BEX1: variants seen among roughly 807,000 people sequenced by gnomAD.
The protein encoded by BEX1 is protein BEX1.
For synonymous variants in BEX1, 41 were observed against 33.4 expected (o/e 1.23, Z -0.79); for missense variants, 86 against 99.2 (o/e 0.87, Z 0.57).
Position 103,062,966 on chromosome X carries a change from A to G in BEX1, c.309T>C (p.His103=), listed in dbSNP as rs1921581105. 8.3e-7 allele frequency: 1 copy of G among 1,211,615 alleles called. No individual in the cohort carries two copies. Among genetic ancestry groups the G allele is most frequent in the Non-Finnish European group, 1.1e-6 (1 of 895,496 alleles). ...GGTCAGTGCTGACTGCCCGCAGACT[A>G]TGACTCAACTGCTTTTCCCTCAGCT... The part of the protein sequence containing the change: ...MEKLREKQLS[H]SLRAVSTDPP... The change falls in exon 3 of 3, where the codon CAT becomes CAC. Residue 103 remains histidine, a synonymous_variant. Coordinates refer to ENST00000372728, the MANE Select transcript of BEX1 (RefSeq NM_018476.4).
chrX:103,063,156 G>A lies in BEX1; in HGVS notation c.119C>T (p.Ala40Val), dbSNP rs709036. Reference sequence around the variant, plus strand: ...TCCTCTAGGCACACAGTATTCACCAGCATCCAAAGGGAGGGCCAAGGGCTC... The same window carrying A: ...TCCTCTAGGCACACAGTATTCACCAACATCCAAAGGGAGGGCCAAGGGCTC... ...KGEPLALPLD[A>V]GEYCVPRGNR... The change falls in exon 3 of 3, where the codon GCT becomes GTT. Residue 40 changes from alanine to valine, a missense_variant. Coordinates refer to ENST00000372728, the MANE Select transcript of BEX1 (RefSeq NM_018476.4). The A allele has an allele frequency of 8.3e-7, 1 of 1,211,856 alleles. No homozygotes were observed. The highest frequency in any genetic ancestry group is 2.2e-5 in the Admixed American group (1 of 46,063).
rs1440445927 is a variant in BEX1, at chrX:103,064,080, G to T, written c.-96+16C>A. 2 of 220,854 alleles carry T rather than the reference G, an allele frequency of 9.1e-6. No individual in the cohort carries two copies. The highest frequency in any genetic ancestry group is 2.5e-4 in the East Asian group (1 of 4,076). 18.2% of individuals were successfully genotyped at this position (220,854 alleles called of 1,213,427 possible). On this transcript the variant is annotated intron_variant, in intron 1 of 2. Transcript: ENST00000372728. Reference sequence around the variant, plus strand: ...CTGCTGGCCTAGCCAGGGCGCGCGGGCCCCGGGGCCCTTACCTGGTCCGCT... The same window carrying T: ...CTGCTGGCCTAGCCAGGGCGCGCGGTCCCCGGGGCCCTTACCTGGTCCGCT...
rs1175204975 is a variant in BEX1, at chrX:103,063,152, A to G, written c.123T>C (p.Gly41=). The G allele has an allele frequency of 8.3e-7, 1 of 1,211,821 alleles. No individual in the cohort carries two copies. Among genetic ancestry groups the G allele is most frequent in the Non-Finnish European group, 1.1e-6 (1 of 895,592 alleles). ...GATTTCCTCTAGGCACACAGTATTC[A>G]CCAGCATCCAAAGGGAGGGCCAAGG... The part of the protein sequence containing the change: ...GEPLALPLDA[G]EYCVPRGNRR... Residue 41 remains glycine (G), a synonymous_variant, in exon 3 of 3, where the codon GGT becomes GGC. Transcript: ENST00000372728.
In BEX1 at chrX:103,063,260, C is replaced by T. The variant is rs778135671; in HGVS notation, c.15G>A (p.Glu5=). 5 of 1,209,634 alleles carry T rather than the reference C, an allele frequency of 4.1e-6. No individual in the cohort carries two copies. In the South Asian group the frequency reaches 7.1e-5, roughly 17 times the overall value. ...TGCTGAGACTGTTTACTGCTCGTTT[C>T]TCTTTGGACTCCATTACTCCTAGGA... is the stretch of plus-strand genomic sequence containing the variant. The part of the protein sequence containing the change: MESK[E]KRAVNSLSME... Residue 5 remains glutamate (E), a synonymous_variant, in exon 3 of 3, where the codon GAG becomes GAA. Transcript: ENST00000372728.
intron 2 of BEX1, 106 bp downstream of exon 2, chrX:103,063,536 C>A: frequency 2.7e-6 from 1 of 366,724 alleles, no homozygotes; most frequent in South Asian, 5.7e-5. Flanking sequence ...CAGATCCATC[C>A]CTAGATCTCG....
chrX:103,063,638 T>G lies in BEX1; in HGVS notation c.-6+4A>C. On this transcript the variant is annotated splice_donor_region_variant and intron_variant, in intron 2 of 2. Coordinates refer to ENST00000372728, the MANE Select transcript of BEX1 (RefSeq NM_018476.4). ...CCGCCCCCACCACCGTCCCTCGCACTGACCTGGGCCTATCCTTGTAGTCTC... is the reference window on the plus strand; with the variant it reads ...CCGCCCCCACCACCGTCCCTCGCACGGACCTGGGCCTATCCTTGTAGTCTC... 1 of 255,093 alleles carries G rather than the reference T, an allele frequency of 3.9e-6. No homozygotes were observed. The highest frequency in any genetic ancestry group is 6.9e-6 in the Non-Finnish European group (1 of 144,407). The allele number at this position is 255,093 out of a possible 1,213,427, so 21.0% of individuals were successfully genotyped here.
Position 103,062,812 on chromosome X carries a change from G to T in BEX1, c.*85C>A, listed in dbSNP as rs1045203. On this transcript the variant is annotated 3_prime_UTR_variant, in exon 3 of 3. Coordinates refer to ENST00000372728, the MANE Select transcript of BEX1 (RefSeq NM_018476.4). ...CCCACGTAAACAAGTGACAGGTAAAGGTTTACAACAAGGGCACATCATGAA... is the reference window on the plus strand; with the variant it reads ...CCCACGTAAACAAGTGACAGGTAAATGTTTACAACAAGGGCACATCATGAA... The T allele has an allele frequency of 2.6e-6, 3 of 1,141,055 alleles. No homozygotes were observed. The highest frequency in any genetic ancestry group is 3.5e-6 in the Non-Finnish European group (3 of 848,404). The allele number at this position is 1,141,055 out of a possible 1,213,427, so 94.0% of individuals were successfully genotyped here. A position where few individuals can be genotyped will look rare whatever the true frequency, so the allele number is the denominator to read the frequency against.
At position 103,062,820 on chromosome X, in the gene BEX1, A is replaced by G; in HGVS notation, c.*77T>C. 1 of 1,162,476 alleles carries G rather than the reference A, an allele frequency of 8.6e-7. No individual in the cohort carries two copies. The highest frequency in any genetic ancestry group is 3.0e-5 in the East Asian group (1 of 33,492). On this transcript the variant is annotated 3_prime_UTR_variant, in exon 3 of 3. Transcript: ENST00000372728. Reference sequence around the variant, plus strand: ...AACAAGTGACAGGTAAAGGTTTACAACAAGGGCACATCATGAACATGTAAA... The same window carrying G: ...AACAAGTGACAGGTAAAGGTTTACAGCAAGGGCACATCATGAACATGTAAA...
Position 103,062,840 on chromosome X carries a change from T to G in BEX1, c.*57A>C. Reference sequence around the variant, plus strand: ...TTACAACAAGGGCACATCATGAACATGTAAATTCGAAAGCAGGGGTCTGTT... The same window carrying G: ...TTACAACAAGGGCACATCATGAACAGGTAAATTCGAAAGCAGGGGTCTGTT... On this transcript the variant is annotated 3_prime_UTR_variant, in exon 3 of 3. Coordinates refer to ENST00000372728, the MANE Select transcript of BEX1 (RefSeq NM_018476.4). The G allele has an allele frequency of 8.4e-7, 1 of 1,187,334 alleles. No individual in the cohort carries two copies. The highest frequency in any genetic ancestry group is 1.1e-6 in the Non-Finnish European group (1 of 881,185).
chrX:103,063,534 T>G, intron 2 of BEX1, 108 bp downstream of exon 2: 2 of 311,113 alleles, frequency 6.4e-6, no homozygotes, highest in East Asian at 5.5e-5. Flanking sequence ...TACAGATCCA[T>G]CCCTAGATCT....
At chrX:103,063,855 C>T (rs1346268486) in intron 1 of BEX1, 124 bp from the exon 2 acceptor site, 1 of 121,254 alleles carries the variant, frequency 8.2e-6, no homozygotes, top group African/African-American at 3.2e-5. Flanking sequence ...GCCTCGCCCC[C>T]CGTGGTGTTC....
intron 2 of BEX1, 35 bp from the exon 3 acceptor site, chrX:103,063,314 G>A: frequency 8.5e-7 from 1 of 1,174,578 alleles, no homozygotes; most frequent in Middle Eastern, 2.7e-4. Flanking sequence ...GGGCTGAACA[G>A]CTGGTGAACG....
In BEX1 at chrX:103,063,672, C is replaced by A. The variant is rs1921606020; in HGVS notation, c.-36G>T. The A allele has an allele frequency of 4.9e-6, 1 of 204,317 alleles. No individual in the cohort carries two copies. The highest frequency in any genetic ancestry group is 3.0e-5 in the African/African-American group (1 of 33,887). The allele number at this position is 204,317 out of a possible 1,213,427, so 16.8% of individuals were successfully genotyped here. ...CCTATCCTTGTAGTCTCCTCCTTCT[C>A]CCGATTCTCGCCACGAGGTGCGCCG... On this transcript the variant is annotated 5_prime_UTR_variant, in exon 2 of 3. Coordinates refer to ENST00000372728, the MANE Select transcript of BEX1 (RefSeq NM_018476.4).
In BEX1 at chrX:103,063,183, C is replaced by T. The variant is rs1921587623; in HGVS notation, c.92G>A (p.Gly31Glu). 8.3e-7 allele frequency: 1 copy of T among 1,211,621 alleles called. No individual in the cohort carries two copies. Among genetic ancestry groups the T allele is most frequent in the Admixed American group, 2.2e-5 (1 of 46,001 alleles). The change falls in exon 3 of 3, where the codon GGG becomes GAG. Residue 31 changes from glycine (G) to glutamate (E), a missense_variant. Coordinates refer to ENST00000372728, the MANE Select transcript of BEX1 (RefSeq NM_018476.4). The stretch of plus-strand genomic sequence containing the variant: ...ATCCAAAGGGAGGGCCAAGGGCTCC[C>T]CTTTATTAGCAACTTGCTCCTTTTC... ...NEEKEQVANK[G>E]EPLALPLDAG...
Position 103,063,735 on chromosome X carries a change from G to C in BEX1, c.-95-4C>G, listed in dbSNP as rs771737714. 6.4e-6 allele frequency: 1 copy of C among 155,589 alleles called. No individual in the cohort carries two copies. Among genetic ancestry groups the C allele is most frequent in the African/African-American group, 3.2e-5 (1 of 31,624 alleles). The allele number at this position is 155,589 out of a possible 1,213,427, so 12.8% of individuals were successfully genotyped here. A position where few individuals can be genotyped will look rare whatever the true frequency, so the allele number is the denominator to read the frequency against. ...GCCCCGCAGACCTGCAGAAGGGCTG[G>C]GGTGTGGGGAGGGGGGGCTGCTGCA... On this transcript the variant is annotated splice_polypyrimidine_tract_variant and splice_region_variant and intron_variant, in intron 1 of 2. Transcript: ENST00000372728.
chrX:103,063,267 G>C lies in BEX1; in HGVS notation c.8C>G (p.Ser3Cys), dbSNP rs1389892466. Residue 3 changes from serine (S) to cysteine (C), a missense_variant, in exon 3 of 3, where the codon TCC becomes TGC. Transcript: ENST00000372728. Reference sequence around the variant, plus strand: ...ACTGTTTACTGCTCGTTTCTCTTTGGACTCCATTACTCCTAGGAGACAAAA... The same window carrying C: ...ACTGTTTACTGCTCGTTTCTCTTTGCACTCCATTACTCCTAGGAGACAAAA... The part of the protein sequence containing the change: ME[S>C]KEKRAVNSLS... 1 of 1,208,773 alleles carries C rather than the reference G, an allele frequency of 8.3e-7. No individual in the cohort carries two copies. Among genetic ancestry groups the C allele is most frequent in the Admixed American group, 2.2e-5 (1 of 45,901 alleles).
chrX:103,063,372 G>A (rs1921592358), intron 2 of BEX1, 93 bp from the exon 3 acceptor site: 8 of 899,428 alleles, frequency 8.9e-6, no homozygotes, highest in Non-Finnish European at 1.2e-5. Context: ...TCAGGATTCC[G>A]CGTCATGGCT....
Position 103,062,741 on chromosome X carries a change from A to T in BEX1, c.*156T>A. Reference sequence around the variant, plus strand: ...TCTTCTGCTAACAAAAATCTTACAGACTGGTTCAAAAACACAATATTCAAT... The same window carrying T: ...TCTTCTGCTAACAAAAATCTTACAGTCTGGTTCAAAAACACAATATTCAAT... On this transcript the variant is annotated 3_prime_UTR_variant, in exon 3 of 3. Transcript: ENST00000372728. 1 of 779,233 alleles carries T rather than the reference A, an allele frequency of 1.3e-6. No homozygotes were observed. Among genetic ancestry groups the T allele is most frequent in the Non-Finnish European group, 1.8e-6 (1 of 552,751 alleles). 64.2% of individuals were successfully genotyped at this position (779,233 alleles called of 1,213,427 possible).
rs1277677507 is a variant in BEX1 at position 103,063,115 on chromosome X, G to A, written c.160C>T (p.Arg54Cys). 2.0e-5 allele frequency: 24 copies of A among 1,209,971 alleles called. No individual in the cohort carries two copies. Among genetic ancestry groups the A allele is most frequent in the Admixed American group, 6.6e-5 (3 of 45,783 alleles). Residue 54 changes from arginine (R) to cysteine (C), a missense_variant, in exon 3 of 3, where the codon CGC becomes TGC. Transcript: ENST00000372728. ...TACTGCAGGATGGGCTGCCTAACGC[G>A]GAACCGCCTACGATTTCCTCTAGGC... ...CVPRGNRRRF[R>C]VRQPILQYRW...
Sources: gnomAD v4.1 joint callset for allele counts on GRCh38, gnomAD v4.1.1 for gene constraint, MANE v1.5 for transcripts, NCBI Gene and HGNC (gene_info 2026-07-23, HGNC 2026-07-21) for gene names.